Variants in CSMD1 observed in about 807,000 individuals in gnomAD.
CSMD1 encodes the protein CUB and Sushi multiple domains 1.
Under a neutral mutation model 417.5 loss-of-function variants are expected in CSMD1, and 213 were observed. That is an observed-to-expected ratio of 0.51 (90% CI 0.46 to 0.57). The LOEUF (loss-of-function observed/expected upper bound fraction) is 0.57, where lower values mean the gene tolerates loss of function less well. Ranked by LOEUF, CSMD1 falls within the 20% of genes least tolerant of loss-of-function variation. The probability of loss-of-function intolerance (pLI) is 0.00; values close to 1 mark genes in which losing one functional copy is unlikely to be tolerated. For synonymous variants in CSMD1, 2,862 were observed against 1,736.8 expected, an observed-to-expected ratio of 1.65 and a Z score of -16.11; for missense variants, 6,923 against 4,529.7, an observed-to-expected ratio of 1.53 and a Z score of -15.17.
intron 37 of CSMD1, among the ~76,000 whole-genome samples, chr8:3,179,009 G>A (rs939600081): frequency 1.2e-4 from 18 of 149,416 alleles, no homozygotes; most frequent in Admixed American, 5.4e-4. Flanking sequence ...GTGCAGTGGC[G>A]CGATCTTGGC....
chr8:3,274,888 C>T (rs1802156669), intron 26 of CSMD1, among the ~76,000 whole-genome samples: 2 of 152,104 alleles, frequency 1.3e-5, no homozygotes, highest in African/African-American at 4.8e-5. Flanking sequence ...GTCCAGTTTG[C>T]CAGTCTGTGT....
At chr8:4,399,586 C>G (rs996267577) in intron 3 of CSMD1, among the ~76,000 whole-genome samples, 3 of 152,036 alleles carry the variant, frequency 2.0e-5, no homozygotes, top group Non-Finnish European at 4.4e-5. Context: ...TTATACCACC[C>G]CTGGATCTTG....
intron 2 of CSMD1, among the ~76,000 whole-genome samples, chr8:4,596,232 A>C (rs572593533): frequency 2.8e-4 from 43 of 152,340 alleles, no homozygotes; most frequent in African/African-American, 8.2e-4. Flanking sequence ...GGTTAAAAAA[A>C]ATCATAGGAC....
At chr8:4,340,095 G>C (rs1353586993) in intron 3 of CSMD1, among the ~76,000 whole-genome samples, 6 of 152,050 alleles carry the variant, frequency 3.9e-5, no homozygotes, top group African/African-American at 1.2e-4. Flanking sequence ...AGAGAAATTA[G>C]AGTTAACCTT....
rs1407966150 is a variant in CSMD1 at position 3,772,340 on chromosome 8, C to T, written c.819-18298G>A. ...ACATATGTACATATATTTAGACATA[C>T]ATATATACATATATTTATATATACA... On this transcript the variant is annotated intron_variant, in intron 5 of 69. Coordinates refer to ENST00000635120, the MANE Select transcript of CSMD1 (RefSeq NM_033225.6). Among the ~76,000 whole-genome samples the T allele has an allele frequency of 2.8e-4, 39 of 140,428 alleles. 5 individuals carry two copies. Among genetic ancestry groups the T allele is most frequent in the African/African-American group, 1.1e-3 (38 of 36,084 alleles). The allele number at this position is 140,428 out of a possible 152,430, so 92.1% of individuals were successfully genotyped here.
At chr8:3,908,735 T>A (rs868548091) in intron 5 of CSMD1, among the ~76,000 whole-genome samples, 1 of 152,184 alleles carries the variant, frequency 6.6e-6, no homozygotes, top group African/African-American at 2.4e-5. Context: ...AAAGATATTA[T>A]TAATATACCT....
intron 11 of CSMD1, among the ~76,000 whole-genome samples, chr8:3,487,075 G>C (rs530687478): frequency 2.2e-4 from 33 of 152,274 alleles, no homozygotes; most frequent in African/African-American, 7.7e-4. Context: ...TACTAACCAG[G>C]CCAAGTAACC....
At chr8:3,858,357 G>C (rs938733289) in intron 5 of CSMD1, among the ~76,000 whole-genome samples, 2 of 152,070 alleles carry the variant, frequency 1.3e-5, no homozygotes, top group Non-Finnish European at 2.9e-5. Context: ...AATATTTCAT[G>C]CTTGACCTTG....
intron 9 of CSMD1, among the ~76,000 whole-genome samples, chr8:3,581,955 C>T (rs763242903): frequency 3.3e-5 from 5 of 152,140 alleles, no homozygotes; most frequent in Non-Finnish European, 7.3e-5. Context: ...TAGGCATGCA[C>T]CAGCATGTCT....
chr8:3,527,625 T>A (rs1585308295), intron 10 of CSMD1, among the ~76,000 whole-genome samples: 2 of 152,070 alleles, frequency 1.3e-5, no homozygotes, highest in East Asian at 3.9e-4. Flanking sequence ...AGTCCATGAA[T>A]CTGGTGAAAT....
At chr8:4,468,771 C>A (rs902634608) in intron 2 of CSMD1, among the ~76,000 whole-genome samples, 2 of 152,178 alleles carry the variant, frequency 1.3e-5, no homozygotes, top group Non-Finnish European at 2.9e-5. Context: ...ATCAGCTTAG[C>A]ATGTCCTGTG....
chr8:3,935,152 A>C (rs11774238), intron 5 of CSMD1, among the ~76,000 whole-genome samples: 44,900 of 152,098 alleles, frequency 0.3, 6,574 homozygotes, highest in African/African-American at 0.31. Flanking sequence ...ATTTTTAAGA[A>C]GCAAGAATAT....
intron 3 of CSMD1, among the ~76,000 whole-genome samples, chr8:4,232,448 C>G (rs1585066133): frequency 6.6e-6 from 1 of 152,282 alleles, no homozygotes; most frequent in East Asian, 1.9e-4. Context: ...ATCTGCCCAC[C>G]TCAGATTCCC....
chr8:4,172,190 C>T (rs1043049999), intron 3 of CSMD1, among the ~76,000 whole-genome samples: 1 of 152,118 alleles, frequency 6.6e-6, no homozygotes, highest in African/African-American at 2.4e-5. Context: ...ATGAGAAAAA[C>T]TCTACGCCAT....
At chr8:3,513,040 G>A (rs1159795509) in intron 10 of CSMD1, among the ~76,000 whole-genome samples, 2 of 152,076 alleles carry the variant, frequency 1.3e-5, no homozygotes, top group Non-Finnish European at 2.9e-5. Context: ...TGAGGTTTTA[G>A]AATTTTCCAC....
chr8:3,120,179 A>T (rs990580339), intron 41 of CSMD1, among the ~76,000 whole-genome samples: 1 of 152,096 alleles, frequency 6.6e-6, no homozygotes, highest in Admixed American at 6.6e-5. Context: ...GGCCAGAAAG[A>T]AGATAGGACA....
At chr8:3,071,780 T>C (rs1026081986) in intron 49 of CSMD1, among the ~76,000 whole-genome samples, 3 of 152,210 alleles carry the variant, frequency 2.0e-5, no homozygotes, top group Non-Finnish European at 4.4e-5. Flanking sequence ...ATCTGAACTC[T>C]ACTCCATGGA....
chr8:3,611,886 T>C (rs1455321379), intron 8 of CSMD1, among the ~76,000 whole-genome samples: 2 of 151,976 alleles, frequency 1.3e-5, no homozygotes, highest in Admixed American at 6.6e-5. Flanking sequence ...TGTAAGAAAA[T>C]AAAAAATGTT....
rs533996401 is a variant in CSMD1 at position 3,454,472 on chromosome 8, T to A, written c.1561+14240A>T. ...GTACCGGTTGTTCCTTTCCATGTTT[T>A]GTGCTTCCTTCAGGAGCTCTTTTAG... is the stretch of plus-strand genomic sequence containing the variant. On this transcript the variant is annotated intron_variant, in intron 12 of 69. Coordinates refer to ENST00000635120, the MANE Select transcript of CSMD1 (RefSeq NM_033225.6). 1.6e-4 allele frequency among the ~76,000 whole-genome samples: 24 copies of A among 152,338 alleles called. No individual in the cohort carries two copies. The South Asian group carries it at 3.5e-3, about 22-fold the overall frequency.
Sources: allele counts gnomAD v4.1 joint callset (sites outside exome capture counted in the v4.1 genomes callset), GRCh38; gene constraint gnomAD v4.1.1; transcripts MANE v1.5; gene names NCBI Gene and HGNC (gene_info 2026-07-23, HGNC 2026-07-21).